The following DHX35 variants were observed in gnomAD, a reference collection of about 807,000 sequenced individuals.
The protein encoded by DHX35 is DEAH-box helicase 35.
Under a neutral mutation model 99.6 loss-of-function variants are expected in DHX35, and 84 were observed. That is an observed-to-expected ratio of 0.84 (90% CI 0.71 to 1.01). The LOEUF is 1.01. DHX35 is among the 50% of genes least tolerant of loss of function. The pLI, the probability that DHX35 is intolerant of heterozygous loss-of-function variation, is 0.00. For synonymous variants in DHX35, 331 were observed against 316.2 expected (o/e 1.05, Z -0.50); for missense variants, 852 against 888.5 (o/e 0.96, Z 0.52).
intron 8 of DHX35, among the ~76,000 whole-genome samples, chr20:38,999,990 C>T (rs1473720850): frequency 3.9e-5 from 6 of 152,176 alleles, no homozygotes; most frequent in Admixed American, 2.0e-4. Flanking sequence ...CTCACAGCAA[C>T]CTTGCAGGGT....
At chr20:38,977,791 CT>C (rs769266998) in intron 3 of DHX35, 1 of 497,222 alleles carries the variant, frequency 2.0e-6, no homozygotes, top group Non-Finnish European at 3.8e-6. Flanking sequence ...TTGAAGGATT[CT>C]TGTCCTTTTG....
intron 8 of DHX35, among the ~76,000 whole-genome samples, chr20:38,997,297 C>T (rs1374931551): frequency 6.6e-6 from 1 of 152,020 alleles, no homozygotes; most frequent in Non-Finnish European, 1.5e-5. Context: ...TCTCAAACTC[C>T]GGACCTCAGG....
intron 18 of DHX35, among the ~76,000 whole-genome samples, chr20:39,027,323 A>C (rs1480518043): frequency 1.3e-5 from 2 of 152,242 alleles, no homozygotes; most frequent in Non-Finnish European, 2.9e-5. Context: ...AATAGAAAGC[A>C]ATTAGTGAAA....
intron 7 of DHX35, among the ~76,000 whole-genome samples, chr20:38,993,323 G>T (rs1287724462): frequency 6.6e-6 from 1 of 152,150 alleles, no homozygotes; most frequent in Non-Finnish European, 1.5e-5. Flanking sequence ...AAAAATTCAG[G>T]TTCTCAGTCA....
At chr20:38,988,604 T>TAA (rs2086284715) in intron 4 of DHX35, among the ~76,000 whole-genome samples, 1 of 152,184 alleles carries the variant, frequency 6.6e-6, no homozygotes, top group Non-Finnish European at 1.5e-5. Flanking sequence ...CCCTCCAGCC[T>TAA]GGGTGACAGA....
At position 39,018,835 on chromosome 20, in the gene DHX35, G is replaced by A. The variant is rs757166486; in HGVS notation, c.1434G>A (p.Pro478=). 44 of 1,613,688 alleles carry A rather than the reference G, an allele frequency of 2.7e-5. No individual in the cohort carries two copies. Among genetic ancestry groups the A allele is most frequent in the Non-Finnish European group, 3.5e-5 (41 of 1,179,906 alleles). Residue 478 remains proline (P), a synonymous_variant, in exon 15 of 22, where the codon CCG becomes CCA. Coordinates refer to ENST00000252011, the MANE Select transcript of DHX35 (RefSeq NM_021931.4). ...GLDKDCRLTE[P]LGMRIAEFPL... ...ACAAAGACTGTCGCCTAACTGAACC[G>A]CTTGGCATGAGAATTGCAGAGTTTC...
chr20:39,028,365 G>T (rs2086991054), intron 18 of DHX35, 53 bp from the exon 19 acceptor site: 3 of 1,565,746 alleles, frequency 1.9e-6, no homozygotes, highest in Non-Finnish European at 2.6e-6. Flanking sequence ...AGAGCACACG[G>T]AGCCTAGGGC....
chr20:39,002,572 A>C (rs1321473498), intron 9 of DHX35, among the ~76,000 whole-genome samples, 200 bp from the exon 10 acceptor site: 1 of 152,258 alleles, frequency 6.6e-6, no homozygotes, highest in Non-Finnish European at 1.5e-5. Context: ...GCTAAAAATC[A>C]TAGTTGACAT....
chr20:39,028,541 C>G, intron 19 of DHX35, 42 bp downstream of exon 19: 1 of 1,591,562 alleles, frequency 6.3e-7, no homozygotes, highest in Admixed American at 1.7e-5. Context: ...AAGGAACAAT[C>G]TTACAAATGA....
At chr20:39,031,774 T>G (rs927639305) in intron 20 of DHX35, among the ~76,000 whole-genome samples, 1 of 152,128 alleles carries the variant, frequency 6.6e-6, no homozygotes, top group African/African-American at 2.4e-5. Context: ...ATGGAGGAGA[T>G]AACATTCATT....
rs549101721 is a variant in DHX35 at position 39,038,538 on chromosome 20, C to T, written c.2107C>T (p.Pro703Ser). Residue 703 changes from proline (P) to serine (S), a missense_variant, in exon 22 of 22, where the codon CCG becomes TCG. Physicochemically the swap from Pro to Ser is moderately conservative, Grantham distance 74 (BLOSUM62 -1). Transcript: ENST00000252011. ...AGCCAAAAGGGCCAAGGTCCAGGAC[C>T]CGTGAGAGGAGCCCACAGCTACAGC... The part of the protein sequence containing the change: ...LKAKRAKVQD[P>S] The T allele has an allele frequency of 1.9e-6, 3 of 1,612,576 alleles. No individual in the cohort carries two copies. Among genetic ancestry groups the T allele is most frequent in the Admixed American group, 3.3e-5 (2 of 60,000 alleles).
chr20:38,969,704 C>T (rs1486335001), intron 2 of DHX35, among the ~76,000 whole-genome samples: 3 of 152,238 alleles, frequency 2.0e-5, no homozygotes, highest in Non-Finnish European at 4.4e-5. Context: ...TTACCAAGTG[C>T]ACATCCAGAC....
chr20:39,011,085 AAGAT>A (rs2086695703), intron 13 of DHX35, among the ~76,000 whole-genome samples: 1 of 152,092 alleles, frequency 6.6e-6, no homozygotes, highest in South Asian at 2.1e-4. Context: ...AATTTTTCAT[AAGAT>A]AGATTTTTAT....
intron 8 of DHX35, among the ~76,000 whole-genome samples, chr20:38,998,726 T>G (rs1453894909): frequency 6.6e-6 from 1 of 152,246 alleles, no homozygotes; most frequent in Non-Finnish European, 1.5e-5. Flanking sequence ...TTTTATGTAT[T>G]TTGTATTTCC....
intron 11 of DHX35, among the ~76,000 whole-genome samples, chr20:39,005,880 T>C (rs944649915): frequency 6.6e-6 from 1 of 152,160 alleles, no homozygotes; most frequent in African/African-American, 2.4e-5. Flanking sequence ...GTCCCTTCAG[T>C]AGCCCTAGGG....
At chr20:39,033,273 A>G (rs2087088955) in intron 20 of DHX35, among the ~76,000 whole-genome samples, 1 of 152,006 alleles carries the variant, frequency 6.6e-6, no homozygotes, top group South Asian at 2.1e-4. Context: ...GAGATGCAAA[A>G]CCTCAATTTT....
At chr20:39,012,175 G>T (rs1387531341) in intron 13 of DHX35, among the ~76,000 whole-genome samples, 2 of 152,190 alleles carry the variant, frequency 1.3e-5, no homozygotes, top group Non-Finnish European at 2.9e-5. Context: ...CTTGAACCCG[G>T]GAGGTGGAGG....
At chr20:39,034,346 C>A in intron 21 of DHX35, 29 bp downstream of exon 21, 1 of 1,551,514 alleles carries the variant, frequency 6.4e-7, no homozygotes, top group Non-Finnish European at 8.9e-7. Context: ...TGTGCCCCAG[C>A]CACCTGTTCA....
intron 14 of DHX35, among the ~76,000 whole-genome samples, chr20:39,015,487 C>G (rs183704526): frequency 7.2e-4 from 109 of 150,440 alleles, no homozygotes; most frequent in African/African-American, 2.6e-3. Context: ...CCCGCAATTG[C>G]TTTTGTCCCA....
Sources: allele counts gnomAD v4.1 joint callset (sites outside exome capture counted in the v4.1 genomes callset), GRCh38; gene constraint gnomAD v4.1.1; transcripts MANE v1.5; gene names NCBI Gene and HGNC (gene_info 2026-07-23, HGNC 2026-07-21).